The following SLC2A14 variants were observed in gnomAD, a reference collection of about 807,000 sequenced individuals.
The protein encoded by SLC2A14 is solute carrier family 2 member 14, also known as solute carrier family 2, facilitated glucose transporter member 14.
SLC2A14 carries 13 observed loss-of-function variants against 43.0 expected under a neutral mutation model. The observed-to-expected ratio is 0.30, with a 90% CI of 0.20 to 0.48. The LOEUF is 0.48. Among genes scored for constraint, SLC2A14 ranks in the 20% least tolerant of loss-of-function variants. The probability of loss-of-function intolerance (pLI) is 0.99; values close to 1 mark genes in which losing one functional copy is unlikely to be tolerated. For missense variants in SLC2A14, 428 were observed against 620.4 expected (o/e 0.69, Z 3.29); for synonymous variants, 190 against 233.8 (o/e 0.81, Z 1.71).
chr12:7,856,800 G>A (rs1283535160), intron 2 of SLC2A14, among the ~76,000 whole-genome samples: 1 of 151,474 alleles, frequency 6.6e-6, no homozygotes, highest in Non-Finnish European at 1.5e-5. Flanking sequence ...CAGGAAATCT[G>A]TATTAACAAG....
At position 7,818,023 on chromosome 12, in the gene SLC2A14, A is replaced by G. The variant is rs777485091; in HGVS notation, c.1083T>C (p.Asn361=). Residue 361 remains asparagine, a synonymous_variant, in exon 10 of 11, where the codon AAT becomes AAC. Transcript: ENST00000431042. ...TVSLLLKNHY[N]GMSFVCIGAI... is the part of the protein sequence containing the mutation. ...CCCCAATACAGACAAAGCTCATCCC[A>G]TTATAGTGATTCTGTAAGAGGAAGG... The G allele has an allele frequency of 6.2e-7, 1 of 1,613,608 alleles. No homozygotes were observed. The highest frequency in any genetic ancestry group is 1.1e-5 in the South Asian group (1 of 91,032).
At chr12:7,818,373 T>C (rs1163001570) in intron 9 of SLC2A14, among the ~76,000 whole-genome samples, 9 of 152,070 alleles carry the variant, frequency 5.9e-5, no homozygotes, top group Admixed American at 5.9e-4. Context: ...TTTTCGTTGT[T>C]TTTTTGGCTG....
intron 2 of SLC2A14, among the ~76,000 whole-genome samples, chr12:7,839,379 G>T (rs1035412094): frequency 3.7e-4 from 56 of 151,814 alleles, no homozygotes; most frequent in African/African-American, 1.2e-3. Context: ...TGCTTGGCAG[G>T]GTGTCAAAAG....
At chr12:7,861,861 C>A (rs1944577260) in intron 2 of SLC2A14, among the ~76,000 whole-genome samples, 1 of 151,458 alleles carries the variant, frequency 6.6e-6, no homozygotes, top group Admixed American at 6.6e-5. Context: ...ACTCGGGAGG[C>A]TGACGCAGGA....
chr12:7,849,575 T>C (rs1397726467), intron 2 of SLC2A14, among the ~76,000 whole-genome samples: 1 of 151,530 alleles, frequency 6.6e-6, no homozygotes, highest in Admixed American at 6.6e-5. Flanking sequence ...TTAAAGGTGA[T>C]GAAAAAAATT....
upstream of SLC2A14, among the ~76,000 whole-genome samples, chr12:7,877,948 G>A (rs1490728423): frequency 2.0e-5 from 3 of 152,100 alleles, no homozygotes; most frequent in African/African-American, 7.2e-5. Context: ...TCACTATGTT[G>A]GTTAGGCTGG....
chr12:7,821,215 A>G lies in SLC2A14; in HGVS notation c.969+6T>C, dbSNP rs777738308. On this transcript the variant is annotated splice_donor_region_variant and intron_variant, in intron 8 of 10. Coordinates refer to ENST00000431042, the MANE Select transcript of SLC2A14 (RefSeq NM_001286234.2). ...CCCCCCAAAATTATCAAACCATCCA[A>G]CTTACAGAAAGTAAAGTGAAGATAG... 3 of 1,610,420 alleles carry G rather than the reference A, an allele frequency of 1.9e-6. No homozygotes were observed. The highest frequency in any genetic ancestry group is 2.5e-6 in the Non-Finnish European group (3 of 1,177,038).
chr12:7,814,424 G>A lies in SLC2A14; in HGVS notation c.1386C>T (p.Ile462=). ...PETRGRTFED[I]TRAFEGQAHG... ...GTGCCTGCCCTTCAAAGGCCCGTGT[G>A]ATATCCTCAAAAGTCCTGCCACGGG... The change falls in exon 11 of 11, where the codon ATC becomes ATT. Residue 462 remains isoleucine (I), a synonymous_variant. Transcript: ENST00000431042. The A allele has an allele frequency of 6.2e-7, 1 of 1,613,440 alleles. No individual in the cohort carries two copies. The highest frequency in any genetic ancestry group is 2.2e-5 in the East Asian group (1 of 44,858).
At chr12:7,817,008 G>T (rs1399870095) in intron 10 of SLC2A14, among the ~76,000 whole-genome samples, 1 of 152,026 alleles carries the variant, frequency 6.6e-6, no homozygotes, top group African/African-American at 2.4e-5. Flanking sequence ...GCTCCCGGGT[G>T]CAATTTAAAA....
chr12:7,878,994 A>AAC (rs1555149664), intron 1 of SLC2A14, among the ~76,000 whole-genome samples: 7 of 92,474 alleles, frequency 7.6e-5, no homozygotes, highest in African/African-American at 2.8e-4. Context: ...AAAAAAAAAA[A>AAC]AAAAAAAAAA....
At chr12:7,873,303 G>C (rs1460585177), upstream of SLC2A14, 3 of 985,426 alleles carry the variant, frequency 3.0e-6, no homozygotes, top group East Asian at 3.4e-4. Context: ...CTATCCCCGC[G>C]GGCGGGCCGG....
intron 1 of SLC2A14, among the ~76,000 whole-genome samples, chr12:7,884,479 C>A (rs7962427): frequency 0.28 from 42,429 of 151,838 alleles, 6,000 homozygotes; most frequent in South Asian, 0.34. Context: ...CTGTAACTGA[C>A]CCTGAACAAT....
chr12:7,876,652 T>C (rs1945468709), upstream of SLC2A14, among the ~76,000 whole-genome samples: 1 of 152,148 alleles, frequency 6.6e-6, no homozygotes, highest in African/African-American at 2.4e-5. Flanking sequence ...CCCATATTCA[T>C]TGCAGCATTA....
chr12:7,832,220 C>T lies in SLC2A14; in HGVS notation c.112-456G>A, dbSNP rs746363804. Reference sequence around the variant, plus strand: ...GATAACATATTGGAATTAATGTTAACTCTCCCTGGAATAGTAATTTTTCAT... The same window carrying T: ...GATAACATATTGGAATTAATGTTAATTCTCCCTGGAATAGTAATTTTTCAT... On this transcript the variant is annotated intron_variant, in intron 3 of 10. Coordinates refer to ENST00000431042, the MANE Select transcript of SLC2A14 (RefSeq NM_001286234.2). 4.6e-4 allele frequency among the ~76,000 whole-genome samples: 70 copies of T among 152,170 alleles called. 4 individuals carry two copies. Among genetic ancestry groups the T allele is most frequent in the Non-Finnish European group, 2.9e-5 (2 of 68,032 alleles).
chr12:7,871,114 C>G (rs1402678430), intron 1 of SLC2A14: 1 of 1,345,258 alleles, frequency 7.4e-7, no homozygotes, highest in East Asian at 3.9e-5. Flanking sequence ...CACCACTTCC[C>G]TCACCATGTT....
chr12:7,875,241 T>TTA (rs71038795), upstream of SLC2A14, among the ~76,000 whole-genome samples: 117 of 133,460 alleles, frequency 8.8e-4, 1 homozygote, highest in African/African-American at 2.7e-3. Flanking sequence ...TTTTATATAT[T>TTA]TATATATATA....
At chr12:7,881,235 G>A (rs1283307502) in intron 1 of SLC2A14, among the ~76,000 whole-genome samples, 1 of 152,124 alleles carries the variant, frequency 6.6e-6, no homozygotes, top group East Asian at 1.9e-4. Context: ...TCCTGGGCTG[G>A]CCTAGGCCGG....
At position 7,854,031 on chromosome 12, in the gene SLC2A14, A is replaced by C. The variant is rs112706938; in HGVS notation, c.18+15832T>G. On this transcript the variant is annotated intron_variant, in intron 2 of 10. Transcript: ENST00000431042. ...TCTCGTAAGTTAGTTAAGTTTTTCA[A>C]TGATGGCTTTCCCCCTGACTTCCAG... 2.7e-3 allele frequency among the ~76,000 whole-genome samples: 408 copies of C among 152,244 alleles called. 3 individuals carry two copies. The highest frequency in any genetic ancestry group is 9.3e-3 in the African/African-American group (387 of 41,556).
intron 2 of SLC2A14, among the ~76,000 whole-genome samples, chr12:7,859,010 CA>C (rs1317933141): frequency 6.6e-6 from 1 of 152,070 alleles, no homozygotes; most frequent in Non-Finnish European, 1.5e-5. Flanking sequence ...CATTTTTTGG[CA>C]TACAGTTATC....
Sources: allele counts gnomAD v4.1 joint callset (sites outside exome capture counted in the v4.1 genomes callset), GRCh38; gene constraint gnomAD v4.1.1; transcripts MANE v1.5; gene names NCBI Gene and HGNC (gene_info 2026-07-23, HGNC 2026-07-21).